The following MCTP2 variants were observed in gnomAD, a reference collection of about 807,000 sequenced individuals.
MCTP2 encodes the protein multiple C2 and transmembrane domain containing 2, also known as multiple C2 and transmembrane domain-containing protein 2.
MCTP2 carries 132 observed loss-of-function variants against 111.6 expected under a neutral mutation model. The observed-to-expected ratio is 1.18, with a 90% confidence interval of 1.03 to 1.37. The LOEUF (loss-of-function observed/expected upper bound fraction) is 1.37, where lower values mean the gene tolerates loss of function less well. MCTP2 is among the 40% of genes most tolerant of loss of function. The probability of loss-of-function intolerance (pLI) is 0.00; values close to 1 mark genes in which losing one functional copy is unlikely to be tolerated. For synonymous variants in MCTP2, 395 were observed against 387.7 expected, an observed-to-expected ratio of 1.02 and a Z score of -0.22; for missense variants, 1,183 against 1,067.9, an observed-to-expected ratio of 1.11 and a Z score of -1.50.
chr15:94,475,126 A>G (rs2074250052), intron 21 of MCTP2, among the ~76,000 whole-genome samples: 1 of 152,030 alleles, frequency 6.6e-6, no homozygotes, highest in African/African-American at 2.4e-5. Flanking sequence ...TTCTTTTGCC[A>G]AAAAGCCCAT....
At chr15:94,475,617 A>G (rs1201162333) in intron 21 of MCTP2, among the ~76,000 whole-genome samples, 1 of 152,232 alleles carries the variant, frequency 6.6e-6, no homozygotes. Context: ...CCCTTCAGAT[A>G]TGATCCTTGT....
intron 21 of MCTP2, among the ~76,000 whole-genome samples, chr15:94,475,104 G>A (rs1291102504): frequency 6.6e-6 from 1 of 152,040 alleles, no homozygotes; most frequent in Non-Finnish European, 1.5e-5. Context: ...TCATCATTTT[G>A]CCTTGTCTGT....
At chr15:94,257,662 A>G (rs192651252) in intron 1 of MCTP2, among the ~76,000 whole-genome samples, 9 of 130,384 alleles carry the variant, frequency 6.9e-5, no homozygotes, top group African/African-American at 1.2e-4. Flanking sequence ...TCTCGGCCCA[A>G]TGCAGTCTCT....
intron 17 of MCTP2, among the ~76,000 whole-genome samples, chr15:94,433,545 T>G (rs2083302064): frequency 6.6e-6 from 1 of 152,172 alleles, no homozygotes; most frequent in Admixed American, 6.5e-5. Flanking sequence ...CATTTCCAGT[T>G]TTGTTATTTA....
chr15:94,402,602 A>G (rs779095425), intron 17 of MCTP2: 2 of 1,550,918 alleles, frequency 1.3e-6, no homozygotes, highest in Non-Finnish European at 1.7e-6. Flanking sequence ...AGATCTTAAA[A>G]CCACCTAAGT....
chr15:94,399,073 C>A lies in MCTP2; in HGVS notation c.1890+11C>A. Reference sequence around the variant, plus strand: ...CTTATATATAATCCGGTAAGTCTAGCTGGGTCATACTTCCCGGCTTTCCCG... The same window carrying A: ...CTTATATATAATCCGGTAAGTCTAGATGGGTCATACTTCCCGGCTTTCCCG... On this transcript the variant is annotated intron_variant, in intron 15 of 22. Coordinates refer to ENST00000357742, the MANE Select transcript of MCTP2 (RefSeq NM_001385001.1). The A allele has an allele frequency of 7.5e-7, 1 of 1,331,752 alleles. No individual in the cohort carries two copies. The highest frequency in any genetic ancestry group is 1.1e-6 in the Non-Finnish European group (1 of 926,754). 82.5% of individuals were successfully genotyped at this position (1,331,752 alleles called of 1,614,324 possible).
In MCTP2 at chr15:94,298,208, T is replaced by C. The variant is rs2152334153; in HGVS notation, c.-58T>C. The C allele has an allele frequency of 7.7e-7, 1 of 1,298,536 alleles. No homozygotes were observed. Among genetic ancestry groups the C allele is most frequent in the South Asian group, 1.5e-5 (1 of 65,150 alleles). 80.4% of individuals were successfully genotyped at this position (1,298,536 alleles called of 1,614,324 possible). On this transcript the variant is annotated 5_prime_UTR_variant, in exon 2 of 23. Transcript: ENST00000357742. Reference sequence around the variant, plus strand: ...TTTTTTTCTGTTTTATAGGAGTCATTGCAGTTTTCAGTAGAGGTGTACTTC... The same window carrying C: ...TTTTTTTCTGTTTTATAGGAGTCATCGCAGTTTTCAGTAGAGGTGTACTTC...
intron 1 of MCTP2, among the ~76,000 whole-genome samples, chr15:94,265,320 T>G (rs1029198457): frequency 1.1e-4 from 17 of 152,200 alleles, no homozygotes; most frequent in Non-Finnish European, 8.8e-5. Context: ...AAAATGGTAA[T>G]GGCAGACAGA....
At chr15:94,362,490 A>T (rs555666304) in intron 10 of MCTP2, among the ~76,000 whole-genome samples, 5 of 152,282 alleles carry the variant, frequency 3.3e-5, no homozygotes, top group African/African-American at 1.2e-4. Flanking sequence ...AGCAGCTCTG[A>T]CATTCTACCA....
chr15:94,356,325 G>A (rs919376136), intron 9 of MCTP2, 24 bp downstream of exon 9: 3 of 1,529,076 alleles, frequency 2.0e-6, no homozygotes, highest in Non-Finnish European at 2.6e-6. Flanking sequence ...TTTCCATAAG[G>A]AGAACAGTAT....
At chr15:94,243,708 CAT>C (rs200275003) in intron 1 of MCTP2, among the ~76,000 whole-genome samples, 1,582 of 135,318 alleles carry the variant, frequency 0.012, 30 homozygotes, top group East Asian at 0.044. Flanking sequence ...CGTATATACA[CAT>C]ATATGTATAC....
intron 1 of MCTP2, among the ~76,000 whole-genome samples, chr15:94,279,641 C>G (rs1314535733): frequency 6.6e-6 from 1 of 152,060 alleles, no homozygotes; most frequent in East Asian, 1.9e-4. Context: ...CTAGGACTTC[C>G]AGTACTATGC....
At chr15:94,355,858 C>A in intron 8 of MCTP2, 1 of 952,642 alleles carries the variant, frequency 1.0e-6, no homozygotes, top group South Asian at 4.7e-5. Flanking sequence ...TTGAAGGAGT[C>A]CCACCAAAGA....
At chr15:94,336,468 G>C (rs748807863) in intron 4 of MCTP2, among the ~76,000 whole-genome samples, 1 of 152,078 alleles carries the variant, frequency 6.6e-6, no homozygotes, top group Non-Finnish European at 1.5e-5. Flanking sequence ...TAACCTCCTG[G>C]AGTGCTCAGC....
chr15:94,285,775 T>A (rs1197481453), intron 1 of MCTP2, among the ~76,000 whole-genome samples: 2 of 152,158 alleles, frequency 1.3e-5, no homozygotes, highest in African/African-American at 4.8e-5. Flanking sequence ...AGTTCTAGGG[T>A]CTTTTCAAAT....
chr15:94,275,993 T>G (rs569346645), intron 1 of MCTP2, among the ~76,000 whole-genome samples: 7 of 151,876 alleles, frequency 4.6e-5, no homozygotes, highest in Non-Finnish European at 1.0e-4. Context: ...GGACAGGCAC[T>G]TGCCACCATG....
intron 17 of MCTP2, among the ~76,000 whole-genome samples, chr15:94,425,269 AT>A (rs1183910975): frequency 3.3e-5 from 5 of 152,316 alleles, no homozygotes; most frequent in Non-Finnish European, 5.9e-5. Flanking sequence ...GTTTACATAC[AT>A]AGATGGGCTT....
At chr15:94,456,868 A>G (rs1567746534) in intron 19 of MCTP2, among the ~76,000 whole-genome samples, 1 of 152,182 alleles carries the variant, frequency 6.6e-6, no homozygotes, top group Non-Finnish European at 1.5e-5. Flanking sequence ...ATAAAGGCAG[A>G]TGCAAGAAGG....
intron 17 of MCTP2, among the ~76,000 whole-genome samples, chr15:94,415,039 A>C (rs964661230): frequency 6.6e-6 from 1 of 152,076 alleles, no homozygotes; most frequent in African/African-American, 2.4e-5. Context: ...AATGCCTTCT[A>C]TGTGGATGAT....
Sources: allele counts gnomAD v4.1 joint callset (sites outside exome capture counted in the v4.1 genomes callset), GRCh38; gene constraint gnomAD v4.1.1; transcripts MANE v1.5; gene names NCBI Gene and HGNC (gene_info 2026-07-23, HGNC 2026-07-21).